The following NCKAP5 variants were observed in gnomAD, a reference collection of about 807,000 sequenced individuals.
NCKAP5 encodes NCK associated protein 5, also known as nck-associated protein 5.
A neutral mutation model predicts 167.0 loss-of-function variants in NCKAP5; 92 were observed. That is an observed-to-expected ratio of 0.55 (90% confidence interval 0.47 to 0.66). The LOEUF is 0.66. NCKAP5 is among the 30% of genes least tolerant of loss of function. The probability of loss-of-function intolerance (pLI) is 0.00; values close to 1 mark genes in which losing one functional copy is unlikely to be tolerated. For synonymous variants in NCKAP5, 891 were observed against 877.4 expected, an observed-to-expected ratio of 1.02 and a Z score of -0.27; for missense variants, 2,378 against 2,315.0, an observed-to-expected ratio of 1.03 and a Z score of -0.56.
At chr2:133,447,313 C>T (rs1691259426) in intron 3 of NCKAP5, among the ~76,000 whole-genome samples, 1 of 152,158 alleles carries the variant, frequency 6.6e-6, no homozygotes, top group Non-Finnish European at 1.5e-5. Context: ...GGTCCTTGCA[C>T]TCGTGCTTTT....
At chr2:133,517,130 G>A (rs1684068125) in intron 3 of NCKAP5, among the ~76,000 whole-genome samples, 1 of 152,174 alleles carries the variant, frequency 6.6e-6, no homozygotes, top group African/African-American at 2.4e-5. Context: ...ATGGGGGATG[G>A]AACAACTATA....
intron 4 of NCKAP5, among the ~76,000 whole-genome samples, chr2:133,271,925 A>G (rs1355504193): frequency 6.6e-6 from 1 of 152,230 alleles, no homozygotes; most frequent in Non-Finnish European, 1.5e-5. Context: ...ATATCTGTGA[A>G]GTAAAAATAT....
intron 8 of NCKAP5, among the ~76,000 whole-genome samples, chr2:132,958,045 G>A (rs948984162): frequency 2.5e-4 from 38 of 152,246 alleles, no homozygotes; most frequent in African/African-American, 8.7e-4. Flanking sequence ...AAATAAATGT[G>A]TATGCCTTTT....
intron 3 of NCKAP5, among the ~76,000 whole-genome samples, chr2:133,462,993 C>G (rs946179902): frequency 6.6e-6 from 1 of 152,168 alleles, no homozygotes; most frequent in African/African-American, 2.4e-5. Context: ...CTTCCATCTG[C>G]GTTTTATGTG....
chr2:133,424,305 G>GTGAC (rs1439990186), intron 3 of NCKAP5, among the ~76,000 whole-genome samples: 1 of 152,134 alleles, frequency 6.6e-6, no homozygotes, highest in Non-Finnish European at 1.5e-5. Flanking sequence ...CCCAATCAGT[G>GTGAC]TGACTGTCAG....
chr2:132,883,059 A>C (rs1691897480), intron 8 of NCKAP5, among the ~76,000 whole-genome samples: 1 of 151,978 alleles, frequency 6.6e-6, no homozygotes, highest in Non-Finnish European at 1.5e-5. Context: ...AAAATTAGCC[A>C]GGTGTGGTGG....
chr2:133,114,825 G>T (rs2082022590), intron 6 of NCKAP5, among the ~76,000 whole-genome samples: 1 of 152,080 alleles, frequency 6.6e-6, no homozygotes, highest in African/African-American at 2.4e-5. Flanking sequence ...GAGATTCAAG[G>T]TTCATTTTTT....
intron 3 of NCKAP5, among the ~76,000 whole-genome samples, chr2:133,331,898 G>A (rs2150727970): frequency 6.6e-6 from 1 of 152,338 alleles, no homozygotes; most frequent in South Asian, 2.1e-4. Flanking sequence ...CAGGCATGGA[G>A]GTTAGGCTGT....
chr2:133,192,925 G>A (rs986726415), intron 5 of NCKAP5, among the ~76,000 whole-genome samples: 8 of 151,956 alleles, frequency 5.3e-5, no homozygotes, highest in East Asian at 1.9e-4. Flanking sequence ...ACTTATGTTC[G>A]CACAAAAACC....
intron 6 of NCKAP5, among the ~76,000 whole-genome samples, chr2:133,066,702 G>A (rs2080207733): frequency 6.6e-6 from 1 of 152,062 alleles, no homozygotes; most frequent in African/African-American, 2.4e-5. Flanking sequence ...TATTTATTTT[G>A]GTCTCAGAAA....
intron 3 of NCKAP5, among the ~76,000 whole-genome samples, chr2:133,451,117 T>C (rs1691522732): frequency 1.3e-5 from 2 of 152,118 alleles, no homozygotes; most frequent in African/African-American, 4.8e-5. Flanking sequence ...AATCCAATAA[T>C]TGTTTTGTAC....
rs1235269186 is a variant in NCKAP5, at chr2:132,912,995, T to G, written c.580-34079A>C. 2.6e-5 allele frequency among the ~76,000 whole-genome samples: 4 copies of G among 152,246 alleles called. No homozygotes were observed. In the East Asian group the frequency reaches 5.8e-4, roughly 22 times the overall value. ...AGAACATTAGAAAGCACTCAGTGTTTAATAACCTAATAATTTAATATGCTG... is the reference window on the plus strand; with the variant it reads ...AGAACATTAGAAAGCACTCAGTGTTGAATAACCTAATAATTTAATATGCTG... On this transcript the variant is annotated intron_variant, in intron 8 of 19. Transcript: ENST00000409261.
chr2:132,822,428 T>G (rs1686819073), intron 11 of NCKAP5, among the ~76,000 whole-genome samples: 1 of 152,134 alleles, frequency 6.6e-6, no homozygotes, highest in African/African-American at 2.4e-5. Flanking sequence ...CTGATAGCCC[T>G]GCTGCATGGA....
At position 133,213,697 on chromosome 2, in the gene NCKAP5, G is replaced by T. The variant is rs756042071; in HGVS notation, c.207+19C>A. On this transcript the variant is annotated intron_variant, in intron 5 of 19. Transcript: ENST00000409261. ...ACCTCTGGATGTTGTGGAATGAGGG[G>T]ACGGCAGTCAGGACTTACCATGGCC... The T allele has an allele frequency of 7.7e-5, 124 of 1,612,934 alleles. No individual in the cohort carries two copies. The Middle Eastern group carries it at 9.9e-4, about 13-fold the overall frequency.
intron 7 of NCKAP5, among the ~76,000 whole-genome samples, chr2:132,964,858 A>G (rs370187494): frequency 1.2e-4 from 19 of 152,216 alleles, no homozygotes; most frequent in African/African-American, 4.6e-4. Flanking sequence ...AGGAGCTCAT[A>G]CAATCTACTT....
At chr2:133,536,325 G>A (rs1200224131) in intron 2 of NCKAP5, among the ~76,000 whole-genome samples, 1 of 151,990 alleles carries the variant, frequency 6.6e-6, no homozygotes, top group Admixed American at 6.6e-5. Context: ...ATGGTGAGAG[G>A]TAGGGGTCCA....
chr2:133,556,258 C>A (rs1320423185), intron 2 of NCKAP5, among the ~76,000 whole-genome samples: 1 of 152,128 alleles, frequency 6.6e-6, no homozygotes, highest in Admixed American at 6.5e-5. Flanking sequence ...GTATTTTATA[C>A]TTCAATAAAA....
At chr2:133,614,326 A>C in the NCKAP5 span, among the ~76,000 whole-genome samples, 1 of 152,162 alleles carries the variant, frequency 6.6e-6, no homozygotes, top group African/African-American at 2.4e-5. Context: ...TGAGAGAAGA[A>C]GGCTTCAGAA....
intron 4 of NCKAP5, among the ~76,000 whole-genome samples, chr2:133,233,933 T>C (rs1307707546): frequency 1.3e-5 from 2 of 152,220 alleles, no homozygotes; most frequent in African/African-American, 4.8e-5. Flanking sequence ...AATTTTACTT[T>C]GCTGTGGAAA....
Sources: allele counts gnomAD v4.1 joint callset (sites outside exome capture counted in the v4.1 genomes callset), GRCh38; gene constraint gnomAD v4.1.1; transcripts MANE v1.5; gene names NCBI Gene and HGNC (gene_info 2026-07-23, HGNC 2026-07-21).